MEIS2: variants seen among roughly 807,000 people sequenced by gnomAD.
The protein encoded by MEIS2 is homeobox protein Meis2.
Under a neutral mutation model 58.6 loss-of-function variants are expected in MEIS2, and 9 were observed. The observed-to-expected ratio is 0.15, with a 90% CI of 0.09 to 0.27. MEIS2 has a LOEUF of 0.27. Ranked by LOEUF, MEIS2 falls within the 10% of genes least tolerant of loss-of-function variation. The pLI is 1.00. For synonymous variants in MEIS2, 221 were observed against 228.4 expected, an observed-to-expected ratio of 0.97 and a Z score of 0.29; for missense variants, 427 against 635.0, an observed-to-expected ratio of 0.67 and a Z score of 3.52.
intron 9 of MEIS2, among the ~76,000 whole-genome samples, chr15:36,917,002 C>A (rs2057308234): frequency 6.6e-6 from 1 of 152,170 alleles, no homozygotes; most frequent in African/African-American, 2.4e-5. Context: ...CTCATGCACA[C>A]ATATGCGCAC....
At chr15:36,933,254 C>T (rs151164879) in intron 9 of MEIS2, among the ~76,000 whole-genome samples, 52 of 152,236 alleles carry the variant, frequency 3.4e-4, no homozygotes, top group African/African-American at 1.1e-3. Context: ...CAGAGCAGTG[C>T]GGCTTTCTAT....
intron 7 of MEIS2, among the ~76,000 whole-genome samples, chr15:37,043,549 A>G (rs2062523586): frequency 6.6e-6 from 1 of 152,172 alleles, no homozygotes; most frequent in South Asian, 2.1e-4. Context: ...ACAATTATTG[A>G]AATATATTTG....
intron 7 of MEIS2, among the ~76,000 whole-genome samples, chr15:37,068,907 C>A (rs1354606549): frequency 6.6e-6 from 1 of 152,168 alleles, no homozygotes; most frequent in Non-Finnish European, 1.5e-5. Context: ...AGGTCCCTAT[C>A]AATGTTCAAA....
Position 37,090,778 on chromosome 15 carries a change from A to G in MEIS2, c.639+2803T>C, listed in dbSNP as rs564593682. Among the ~76,000 whole-genome samples the G allele has an allele frequency of 5.3e-5, 8 of 152,286 alleles. No homozygotes were observed. In the East Asian group the frequency reaches 9.7e-4, roughly 18 times the overall value. ...GCTGTCACAAACTGTCACCTCCACA[A>G]GAGAAACCTTGGCATACAACAAATT... On this transcript the variant is annotated intron_variant, in intron 6 of 11. Coordinates refer to ENST00000561208, the MANE Select transcript of MEIS2 (RefSeq NM_170675.5).
At chr15:37,020,579 T>C (rs1382592358) in intron 8 of MEIS2, among the ~76,000 whole-genome samples, 1 of 152,146 alleles carries the variant, frequency 6.6e-6, no homozygotes, top group African/African-American at 2.4e-5. Context: ...TCAGGTTCTC[T>C]ACTCCAAGAT....
intron 8 of MEIS2, among the ~76,000 whole-genome samples, chr15:36,998,806 C>CTG (rs2060621790): frequency 6.6e-6 from 1 of 152,148 alleles, no homozygotes; most frequent in Admixed American, 6.5e-5. Context: ...TGCAAGAGCC[C>CTG]TGTGAGGTAG....
At chr15:36,976,810 C>T (rs1274029360) in intron 8 of MEIS2, among the ~76,000 whole-genome samples, 3 of 152,112 alleles carry the variant, frequency 2.0e-5, no homozygotes, top group East Asian at 1.9e-4. Flanking sequence ...AAACACAATC[C>T]CTGCCTTCGA....
chr15:37,094,465 C>T (rs1276965554), intron 5 of MEIS2, 62 bp downstream of exon 5: 3 of 1,538,494 alleles, frequency 1.9e-6, no homozygotes, highest in Non-Finnish European at 2.7e-6. Flanking sequence ...TTAAAAACAT[C>T]CCAACTCAAC....
intron 6 of MEIS2, among the ~76,000 whole-genome samples, chr15:37,093,122 A>G (rs1018353474): frequency 1.3e-5 from 2 of 152,188 alleles, no homozygotes; most frequent in African/African-American, 4.8e-5. Flanking sequence ...AATTCTCAGA[A>G]TTGTCATCTC....
chr15:37,014,246 C>G (rs1288272541), intron 8 of MEIS2, among the ~76,000 whole-genome samples: 1 of 152,170 alleles, frequency 6.6e-6, no homozygotes, highest in Non-Finnish European at 1.5e-5. Context: ...ATCTGCACTT[C>G]AAAGTCAGCA....
intron 8 of MEIS2, among the ~76,000 whole-genome samples, chr15:36,956,824 G>A (rs1383815839): frequency 7.0e-6 from 1 of 143,492 alleles, no homozygotes; most frequent in Non-Finnish European, 1.5e-5. Flanking sequence ...AACATAGACC[G>A]ATTTGGATTA....
At chr15:37,055,252 T>C (rs2063091125) in intron 7 of MEIS2, among the ~76,000 whole-genome samples, 1 of 152,094 alleles carries the variant, frequency 6.6e-6, no homozygotes, top group Non-Finnish European at 1.5e-5. Context: ...CTTAAGACAA[T>C]AGGAAATATA....
intron 9 of MEIS2, among the ~76,000 whole-genome samples, chr15:36,909,757 C>T (rs571034345): frequency 6.7e-6 from 1 of 148,968 alleles, no homozygotes; most frequent in Non-Finnish European, 1.5e-5. Flanking sequence ...TATGCACAGT[C>T]CGGGACATAA....
chr15:36,976,205 C>T (rs2141486403), intron 8 of MEIS2, among the ~76,000 whole-genome samples: 1 of 152,158 alleles, frequency 6.6e-6, no homozygotes, highest in African/African-American at 2.4e-5. Flanking sequence ...CTGCCTCATC[C>T]TCCCACATAG....
At position 37,012,391 on chromosome 15, in the gene MEIS2, T is replaced by C. The variant is rs901373340; in HGVS notation, c.900+24423A>G. 3.3e-5 allele frequency among the ~76,000 whole-genome samples: 5 copies of C among 152,198 alleles called. No individual in the cohort carries two copies. The East Asian group carries it at 9.6e-4, about 29-fold the overall frequency. On this transcript the variant is annotated intron_variant, in intron 8 of 11. Coordinates refer to ENST00000561208, the MANE Select transcript of MEIS2 (RefSeq NM_170675.5). ...GAAGTGAATGAAGAGATGCACTATT[T>C]GTTTGCAAAGAAAGCATGCTTCCGT... is the stretch of plus-strand genomic sequence containing the variant.
intron 9 of MEIS2, among the ~76,000 whole-genome samples, chr15:36,902,135 C>G (rs1398345833): frequency 1.3e-5 from 2 of 152,112 alleles, no homozygotes; most frequent in East Asian, 3.9e-4. Flanking sequence ...TAGCACAATG[C>G]CTGGCACATA....
intron 7 of MEIS2, chr15:37,066,165 T>G (rs1889898231): frequency 6.6e-6 from 1 of 152,106 alleles, no homozygotes; most frequent in Admixed American, 6.5e-5. Flanking sequence ...TAAAAAAAAT[T>G]GGTTTTTCAA....
chr15:36,893,209 G>A (rs951417559), intron 11 of MEIS2, among the ~76,000 whole-genome samples: 2 of 152,182 alleles, frequency 1.3e-5, no homozygotes, highest in African/African-American at 4.8e-5. Flanking sequence ...CAATTGTAAG[G>A]ATTCTGATTT....
At chr15:37,047,586 TA>T (rs2062727105) in intron 7 of MEIS2, among the ~76,000 whole-genome samples, 1 of 152,140 alleles carries the variant, frequency 6.6e-6, no homozygotes, top group Non-Finnish European at 1.5e-5. Flanking sequence ...GCCATTGAAA[TA>T]AAGACCCTAA....
Sources: allele counts gnomAD v4.1 joint callset (sites outside exome capture counted in the v4.1 genomes callset), GRCh38; gene constraint gnomAD v4.1.1; transcripts MANE v1.5; gene names NCBI Gene and HGNC (gene_info 2026-07-23, HGNC 2026-07-21).